The following XPO7 variants were observed in gnomAD, a reference collection of about 807,000 sequenced individuals.
XPO7 encodes exportin 7.
XPO7 carries 21 observed loss-of-function variants against 144.3 expected under a neutral mutation model. The observed-to-expected ratio is 0.15, with a 90% CI of 0.10 to 0.21. The LOEUF is 0.21. Among genes scored for constraint, XPO7 ranks in the 10% least tolerant of loss-of-function variants. The pLI is 1.00. For missense variants in XPO7, 808 were observed against 1,325.8 expected, an observed-to-expected ratio of 0.61 and a Z score of 6.06; for synonymous variants, 580 against 499.6, an observed-to-expected ratio of 1.16 and a Z score of -2.15.
intron 1 of XPO7, among the ~76,000 whole-genome samples, chr8:21,939,745 T>C (rs1810933977): frequency 6.6e-6 from 1 of 152,110 alleles, no homozygotes; most frequent in South Asian, 2.1e-4. Flanking sequence ...AGTGACAGAG[T>C]GGCAAGAAAT....
At chr8:21,990,583 C>G (rs540147222) in intron 17 of XPO7, 176 bp downstream of exon 17, 14 of 781,702 alleles carry the variant, frequency 1.8e-5, no homozygotes, top group African/African-American at 8.6e-5. Flanking sequence ...TCTTTGAGAT[C>G]CAGATGATGT....
intron 1 of XPO7, among the ~76,000 whole-genome samples, chr8:21,929,578 G>C (rs1203108376): frequency 6.6e-6 from 1 of 152,198 alleles, no homozygotes; most frequent in Admixed American, 6.5e-5. Flanking sequence ...AAGGGAGATA[G>C]TAAACCATGA....
intron 1 of XPO7, among the ~76,000 whole-genome samples, chr8:21,957,756 C>T (rs982294708): frequency 1.7e-4 from 26 of 152,148 alleles, no homozygotes; most frequent in Admixed American, 1.4e-3. Flanking sequence ...TTGTACTTTG[C>T]ATTTCCATCC....
At chr8:21,978,700 C>T (rs762351156) in intron 8 of XPO7, among the ~76,000 whole-genome samples, 7 of 152,136 alleles carry the variant, frequency 4.6e-5, no homozygotes, top group Admixed American at 1.3e-4. Flanking sequence ...AGTGGGGAGC[C>T]TCAAAGGGCA....
chr8:21,945,195 G>A (rs1563315803), intron 1 of XPO7, among the ~76,000 whole-genome samples: 2 of 151,876 alleles, frequency 1.3e-5, no homozygotes, highest in East Asian at 1.9e-4. Context: ...GGGCAGAGGC[G>A]CCCCCCACCT....
chr8:21,979,658 C>T (rs1221068392), intron 8 of XPO7, among the ~76,000 whole-genome samples: 1 of 152,096 alleles, frequency 6.6e-6, no homozygotes, highest in Non-Finnish European at 1.5e-5. Context: ...CTGCCTGCCT[C>T]AGCCTCCCAG....
chr8:21,927,059 T>G (rs923909049), intron 1 of XPO7, among the ~76,000 whole-genome samples: 1 of 152,100 alleles, frequency 6.6e-6, no homozygotes, highest in Non-Finnish European at 1.5e-5. Flanking sequence ...TTAAATTGTT[T>G]TTAGGTGAAT....
At chr8:21,981,923 T>C in intron 10 of XPO7, 46 bp downstream of exon 10, 1 of 1,603,854 alleles carries the variant, frequency 6.2e-7, no homozygotes, top group Non-Finnish European at 8.5e-7. Flanking sequence ...TACTGGAATC[T>C]CTTGCTTGTT....
In XPO7 at chr8:22,005,141, A is replaced by G; in HGVS notation, c.*53A>G. ...GCAGCGTCCCTTTGGTTTGGCCCAG[A>G]GGGGCGAACAATTGCAAGGGAGAGG... On this transcript the variant is annotated 3_prime_UTR_variant, in exon 28 of 28. Transcript: ENST00000252512. 6.8e-7 allele frequency: 1 copy of G among 1,460,570 alleles called. No homozygotes were observed. Among genetic ancestry groups the G allele is most frequent in the Non-Finnish European group, 9.4e-7 (1 of 1,065,540 alleles). 90.5% of individuals were successfully genotyped at this position (1,460,570 alleles called of 1,614,324 possible). A position where few individuals can be genotyped will look rare whatever the true frequency, so the allele number is the denominator to read the frequency against.
Position 22,005,185 on chromosome 8 carries a change from C to G in XPO7, c.*97C>G. On this transcript the variant is annotated 3_prime_UTR_variant, in exon 28 of 28. Transcript: ENST00000252512. ...GGAGAGGGCCTGGCTGATCCTGGCT[C>G]TTTTCTCCAGGGGTGTGGGGAAAAT... The G allele has an allele frequency of 9.5e-7, 1 of 1,053,892 alleles. No homozygotes were observed. The highest frequency in any genetic ancestry group is 2.3e-4 in the Middle Eastern group (1 of 4,388). The allele number at this position is 1,053,892 out of a possible 1,614,324, so 65.3% of individuals were successfully genotyped here.
intron 1 of XPO7, among the ~76,000 whole-genome samples, chr8:21,923,109 T>A (rs1232315745): frequency 6.6e-6 from 1 of 152,234 alleles, no homozygotes; most frequent in Non-Finnish European, 1.5e-5. Context: ...GGGAGTTCCG[T>A]ACAACTTTTG....
At position 21,948,130 on chromosome 8, in the gene XPO7, G is replaced by GA. The variant is rs528775643; in HGVS notation, c.19-18724dup. On this transcript the variant is annotated intron_variant, in intron 1 of 27. Coordinates refer to ENST00000252512, the MANE Select transcript of XPO7 (RefSeq NM_015024.5). Reference sequence around the variant, plus strand: ...TACTCTCATATATTGACCTAAAAGTGAAACCCAACCCTTAATTAGAAGCAG... The same window carrying GA: ...TACTCTCATATATTGACCTAAAAGTGAAAACCCAACCCTTAATTAGAAGCAG... Among the ~76,000 whole-genome samples, 417 of 152,282 alleles carry GA rather than the reference G, an allele frequency of 2.7e-3. 2 individuals carry two copies. The highest frequency in any genetic ancestry group is 0.027 in the South Asian group (128 of 4,822).
chr8:22,002,960 C>T, intron 25 of XPO7: 1 of 287,550 alleles, frequency 3.5e-6, no homozygotes, highest in Non-Finnish European at 6.6e-6. Flanking sequence ...CCATTCCCCA[C>T]AACTCAGGGT....
intron 26 of XPO7, among the ~76,000 whole-genome samples, chr8:22,003,604 A>T (rs552743044): frequency 1.3e-5 from 2 of 152,076 alleles, no homozygotes; most frequent in African/African-American, 4.8e-5. Context: ...CAGAGGACCT[A>T]AGACCTAAGT....
intron 1 of XPO7, among the ~76,000 whole-genome samples, chr8:21,953,011 G>A (rs1297293261): frequency 6.6e-6 from 1 of 151,584 alleles, no homozygotes; most frequent in Non-Finnish European, 1.5e-5. Context: ...CCTGTTATCC[G>A]CCCCTCCCCC....
chr8:21,998,912 C>A, intron 22 of XPO7, 75 bp downstream of exon 22: 1 of 1,548,878 alleles, frequency 6.5e-7, no homozygotes, highest in Non-Finnish European at 8.9e-7. Context: ...GCATGTGGGT[C>A]TCTGGCCAGT....
chr8:21,987,029 GA>G (rs1449543177), intron 13 of XPO7, 111 bp from the exon 14 acceptor site: 1 of 1,473,118 alleles, frequency 6.8e-7, no homozygotes, highest in African/African-American at 1.4e-5. Context: ...TTGGTTGCAG[GA>G]GGTTGCTGTA....
In XPO7 at chr8:21,999,643, C is replaced by G; in HGVS notation, c.2751C>G (p.Leu917=). The G allele has an allele frequency of 6.2e-7, 1 of 1,614,034 alleles. No individual in the cohort carries two copies. The highest frequency in any genetic ancestry group is 8.5e-7 in the Non-Finnish European group (1 of 1,179,908). The change falls in exon 24 of 28, where the codon CTC becomes CTG. Residue 917 remains leucine (L), a synonymous_variant. Coordinates refer to ENST00000252512, the MANE Select transcript of XPO7 (RefSeq NM_015024.5). Reference sequence around the variant, plus strand: ...AACCTCACGTCATCATGTATATTCTCTCTTCCATTTCTGAAGGACTTACTG... The same window carrying G: ...AACCTCACGTCATCATGTATATTCTGTCTTCCATTTCTGAAGGACTTACTG... ...SLEPHVIMYI[L]SSISEGLTAL... is the part of the protein sequence containing the mutation.
intron 1 of XPO7, among the ~76,000 whole-genome samples, chr8:21,961,058 A>C (rs777203341): frequency 1.2e-4 from 18 of 152,296 alleles, no homozygotes; most frequent in Admixed American, 3.3e-4. Flanking sequence ...CAGCACACAA[A>C]TTAAGAAATG....
Sources: gnomAD v4.1 joint callset for allele counts (sites outside exome capture counted in the v4.1 genomes callset) on GRCh38, gnomAD v4.1.1 for gene constraint, MANE v1.5 for transcripts, NCBI Gene and HGNC (gene_info 2026-07-23, HGNC 2026-07-21) for gene names.